The following TNKS1BP1 variants were observed in gnomAD, a reference collection of about 807,000 sequenced individuals.
The protein encoded by TNKS1BP1 is 182 kDa tankyrase-1-binding protein.
Under a neutral mutation model 141.1 loss-of-function variants are expected in TNKS1BP1, and 48 were observed. The ratio of observed to expected loss-of-function variants is 0.34; its 90% CI spans 0.27 to 0.43. The LOEUF is 0.43. Ranked by LOEUF, TNKS1BP1 falls within the 20% of genes least tolerant of loss-of-function variation. TNKS1BP1 has a pLI of 1.00. For missense variants in TNKS1BP1, 2,149 were observed against 2,226.0 expected, an observed-to-expected ratio of 0.97 and a Z score of 0.70; for synonymous variants, 875 against 898.2, an observed-to-expected ratio of 0.97 and a Z score of 0.46.
At chr11:57,308,181 T>G (rs1247060987) in intron 6 of TNKS1BP1, among the ~76,000 whole-genome samples, 1 of 152,232 alleles carries the variant, frequency 6.6e-6, no homozygotes, top group Non-Finnish European at 1.5e-5. Context: ...AGTAACACAT[T>G]AGTCATCCTT....
rs1470092601 is a variant in TNKS1BP1 at position 57,312,714 on chromosome 11, G to A, written c.1974C>T (p.Thr658=). 7 of 1,572,628 alleles carry A rather than the reference G, an allele frequency of 4.5e-6. No homozygotes were observed. The highest frequency in any genetic ancestry group is 1.2e-5 in the South Asian group (1 of 84,186). The change falls in exon 5 of 12, where the codon ACC becomes ACT. Residue 658 remains threonine, a synonymous_variant. Transcript: ENST00000358252. The part of the protein sequence containing the change: ...EEAVTLARAE[T]TQARTEAQDL... The stretch of plus-strand genomic sequence containing the variant: ...CTTGAGCCTCTGTCCTGGCTTGGGT[G>A]GTCTCAGCCCGGGCTAGGGTCACGG...
At chr11:57,312,190 C>T (rs917621439) in intron 5 of TNKS1BP1, among the ~76,000 whole-genome samples, 1 of 152,176 alleles carries the variant, frequency 6.6e-6, no homozygotes, top group African/African-American at 2.4e-5. Flanking sequence ...CAGCACCTGC[C>T]ACGCACTGTG....
Position 57,302,944 on chromosome 11 carries a change from C to T in TNKS1BP1, c.4317-119G>A. On this transcript the variant is annotated intron_variant, in intron 6 of 11. Transcript: ENST00000358252. The surrounding 1 kb of genome is among the most constrained non-coding windows in gnomAD (Gnocchi z 5.5). ...ACTCTCCCTTGCCCTCCTTCCCATGCTTTTTCCAGACTCCAAGGACACGGT... is the reference window on the plus strand; with the variant it reads ...ACTCTCCCTTGCCCTCCTTCCCATGTTTTTTCCAGACTCCAAGGACACGGT... 1 of 1,265,372 alleles carries T rather than the reference C, an allele frequency of 7.9e-7. No homozygotes were observed. Among genetic ancestry groups the T allele is most frequent in the Non-Finnish European group, 1.0e-6 (1 of 954,606 alleles). The allele number at this position is 1,265,372 out of a possible 1,614,324, so 78.4% of individuals were successfully genotyped here.
chr11:57,322,338 C>A, intron 1 of TNKS1BP1: 1 of 987,264 alleles, frequency 1.0e-6, no homozygotes. Context: ...TGAATCACCT[C>A]ACGGGAGACG....
chr11:57,309,608 C>A lies in TNKS1BP1; in HGVS notation c.3103G>T (p.Val1035Leu), dbSNP rs768586181. 4 of 1,613,832 alleles carry A rather than the reference C, an allele frequency of 2.5e-6. No homozygotes were observed. Among genetic ancestry groups the A allele is most frequent in the African/African-American group, 2.7e-5 (2 of 74,934 alleles). Residue 1035 changes from valine (V) to leucine (L), a missense_variant, in exon 6 of 12, where the codon GTG becomes TTG. By Grantham distance (32) the Val-to-Leu change is conservative (BLOSUM62 1). Transcript: ENST00000358252. This position sits in a 1 kb window ranked among gnomAD's most constrained non-coding sequence, Gnocchi z 4.3. ...CTCTGCCCGAGTGCCCCATCCGGCACGTGGGCAGTGCTAGGACTGAACAAG... is the reference window on the plus strand; with the variant it reads ...CTCTGCCCGAGTGCCCCATCCGGCAAGTGGGCAGTGCTAGGACTGAACAAG... ...GGLFSPSTAH[V>L]PDGALGQRDQ...
chr11:57,301,339 C>T (rs1178234373), intron 9 of TNKS1BP1, among the ~76,000 whole-genome samples: 3 of 152,154 alleles, frequency 2.0e-5, no homozygotes, highest in Non-Finnish European at 2.9e-5. Context: ...AATGCCACCC[C>T]ACCATCCCAG....
chr11:57,300,438 G>A (rs1405312589), intron 11 of TNKS1BP1, 90 bp downstream of exon 11: 2 of 1,175,316 alleles, frequency 1.7e-6, no homozygotes, highest in Non-Finnish European at 2.5e-6. Flanking sequence ...AAAGGGGTGG[G>A]AGCTAAGGGA....
intron 6 of TNKS1BP1, among the ~76,000 whole-genome samples, chr11:57,304,608 G>A (rs939604824): frequency 2.0e-5 from 3 of 152,172 alleles, no homozygotes; most frequent in Non-Finnish European, 2.9e-5. Context: ...CCTGGCTCAC[G>A]CCTGTAATCC....
In TNKS1BP1 at chr11:57,313,692, G is replaced by A. The variant is rs757145827; in HGVS notation, c.996C>T (p.Pro332=). The part of the protein sequence containing the change: ...TPEASQASPC[P]AVTPSAPSAA... ...CACTTGGAGCTGATGGAGTCACAGC[G>A]GGGCAGGGAGAAGCCTGGGAAGCTT... Residue 332 remains proline (P), a synonymous_variant, in exon 5 of 12, where the codon CCC becomes CCT. Transcript: ENST00000358252. The A allele has an allele frequency of 1.8e-5, 29 of 1,578,898 alleles. No homozygotes were observed. The highest frequency in any genetic ancestry group is 4.6e-5 in the South Asian group (4 of 86,556).
chr11:57,311,403 G>A (rs896448428), intron 5 of TNKS1BP1: 94 of 985,648 alleles, frequency 9.5e-5, no homozygotes, highest in Non-Finnish European at 1.1e-4. Flanking sequence ...TGCTGGGTGC[G>A]GCCAGCCGGG....
rs1385412417 is a variant in TNKS1BP1, at chr11:57,308,652, C to T, written c.4059G>A (p.Val1353=). 1 of 1,613,166 alleles carries T rather than the reference C, an allele frequency of 6.2e-7. No individual in the cohort carries two copies. Among genetic ancestry groups the T allele is most frequent in the East Asian group, 2.2e-5 (1 of 44,888 alleles). Residue 1353 remains valine (V), a synonymous_variant, in exon 6 of 12, where the codon GTG becomes GTA. Coordinates refer to ENST00000358252, the MANE Select transcript of TNKS1BP1 (RefSeq NM_033396.3). ...DWTQDLAPQN[V]ELFGAPSEAR... ...CTTCACTTGGAGCCCCAAAGAGCTC[C>T]ACATTCTGGGGCGCCAAGTCCTGGG...
At chr11:57,307,978 CCCAG>C (rs1424998651) in intron 6 of TNKS1BP1, among the ~76,000 whole-genome samples, 1 of 152,212 alleles carries the variant, frequency 6.6e-6, no homozygotes, top group Non-Finnish European at 1.5e-5. Context: ...CTGTGGTGGC[CCCAG>C]CCAAGAAGAC....
chr11:57,324,887 G>C lies in TNKS1BP1; in HGVS notation c.-113C>G, dbSNP rs1427267039. The C allele has an allele frequency of 1.9e-4, 190 of 991,460 alleles. 5 individuals are homozygous for C. The East Asian group carries it at 0.018, about 97-fold the overall frequency. 61.4% of individuals were successfully genotyped at this position (991,460 alleles called of 1,614,324 possible). On this transcript the variant is annotated 5_prime_UTR_variant, in exon 1 of 12. Coordinates refer to ENST00000358252, the MANE Select transcript of TNKS1BP1 (RefSeq NM_033396.3). ...CGCTCGGCTCGGGGCCCCGATGCCAGTCCCCGCCGCCGCCGCCGCTGCTAC... is the reference window on the plus strand; with the variant it reads ...CGCTCGGCTCGGGGCCCCGATGCCACTCCCCGCCGCCGCCGCCGCTGCTAC...
Position 57,313,358 on chromosome 11 carries a change from C to T in TNKS1BP1, c.1330G>A (p.Gly444Arg). The change falls in exon 5 of 12, where the codon GGG (glycine) becomes AGG (arginine). Residue 444 changes from glycine (G) to arginine (R), a missense_variant. Gly to Arg is a moderately radical substitution (Grantham distance 125). Coordinates refer to ENST00000358252, the MANE Select transcript of TNKS1BP1 (RefSeq NM_033396.3). ...QSPSQDQEKLGGSLAALPQGQ... is the reference protein window; with the variant it reads ...QSPSQDQEKLRGSLAALPQGQ... Reference sequence around the variant, plus strand: ...TGGGGCAGGGCAGCCAGCGAGCCCCCCAGCTTCTCCTGGTCCTGACTGGGT... The same window carrying T: ...TGGGGCAGGGCAGCCAGCGAGCCCCTCAGCTTCTCCTGGTCCTGACTGGGT... 2 of 1,612,668 alleles carry T rather than the reference C, an allele frequency of 1.2e-6. No homozygotes were observed. The highest frequency in any genetic ancestry group is 1.7e-6 in the Non-Finnish European group (2 of 1,179,726).
At chr11:57,304,278 G>A (rs1317665539) in intron 6 of TNKS1BP1, among the ~76,000 whole-genome samples, 1 of 152,166 alleles carries the variant, frequency 6.6e-6, no homozygotes, top group East Asian at 1.9e-4. Context: ...AGAGGGGGCA[G>A]GGAGAGAGAG....
Position 57,302,546 on chromosome 11 carries a change from C to T in TNKS1BP1, c.4596G>A (p.Trp1532Ter), listed in dbSNP as rs1386632478. 1.9e-6 allele frequency: 3 copies of T among 1,613,242 alleles called. No individual in the cohort carries two copies. The highest frequency in any genetic ancestry group is 2.5e-6 in the Non-Finnish European group (3 of 1,179,894). Residue 1532 changes from tryptophan (W) to a stop codon, truncating the protein, a stop_gained, in exon 7 of 12, where the codon TGG becomes TGA. Transcript: ENST00000358252. LOFTEE classifies it high-confidence loss of function. This position sits in a 1 kb window ranked among gnomAD's most constrained non-coding sequence, Gnocchi z 5.5. ...DGTWGSSAAR[W>*]SDQGPAQTSR... Reference sequence around the variant, plus strand: ...AAGTCTGTGCTGGCCCCTGATCGCTCCACCTGGCTGCTGAAGAGCCCCAGG... The same window carrying T: ...AAGTCTGTGCTGGCCCCTGATCGCTTCACCTGGCTGCTGAAGAGCCCCAGG...
Position 57,312,593 on chromosome 11 carries a change from C to T in TNKS1BP1, c.2095G>A (p.Ala699Thr), listed in dbSNP as rs752213531. The change falls in exon 5 of 12, where the codon GCA becomes ACA. Residue 699 changes from alanine (A) to threonine (T), a missense_variant. Ala to Thr is a moderately conservative substitution (Grantham distance 58, BLOSUM62 0). Coordinates refer to ENST00000358252, the MANE Select transcript of TNKS1BP1 (RefSeq NM_033396.3). ...AGCTCAGCTCCAGCTCCCCGCCTTG[C>T]ACCGCCACCACTGGGTGGTGGTGAA... ...LASPPPSGGG[A>T]RRGAGAELKD... The T allele has an allele frequency of 2.0e-6, 3 of 1,523,804 alleles. No individual in the cohort carries two copies. The highest frequency in any genetic ancestry group is 2.6e-6 in the Non-Finnish European group (3 of 1,137,746). The allele number at this position is 1,523,804 out of a possible 1,614,324, so 94.4% of individuals were successfully genotyped here. A position where few individuals can be genotyped will look rare whatever the true frequency, so the allele number is the denominator to read the frequency against.
Position 57,318,240 on chromosome 11 carries a change from G to A in TNKS1BP1, c.729-353C>T, listed in dbSNP as rs531283025. On this transcript the variant is annotated intron_variant, in intron 3 of 11. Coordinates refer to ENST00000358252, the MANE Select transcript of TNKS1BP1 (RefSeq NM_033396.3). ...GTTAAAGTTCTCCTCTAGCCAGGAA[G>A]AGTGCAGCTGGTCCTGCTGCCCTGC... 1.4e-4 allele frequency among the ~76,000 whole-genome samples: 22 copies of A among 152,376 alleles called. No individual in the cohort carries two copies. In the South Asian group the frequency reaches 2.9e-3, roughly 20 times the overall value.
At chr11:57,306,329 A>G (rs1386617891) in intron 6 of TNKS1BP1, among the ~76,000 whole-genome samples, 1 of 151,722 alleles carries the variant, frequency 6.6e-6, no homozygotes, top group African/African-American at 2.4e-5. Flanking sequence ...ATTTCCCTAC[A>G]TCAGAATTTC....
Sources: allele counts gnomAD v4.1 joint callset (sites outside exome capture counted in the v4.1 genomes callset), GRCh38; gene constraint gnomAD v4.1.1; non-coding constraint Gnocchi (gnomAD v3.1); transcripts MANE v1.5; gene names NCBI Gene and HGNC (gene_info 2026-07-23, HGNC 2026-07-21).